Variants in NCKAP5 observed in about 807,000 individuals in gnomAD.
NCKAP5 encodes the protein nck-associated protein 5.
In NCKAP5, 92 loss-of-function variants were observed where a neutral mutation model predicts 167.0. The ratio of observed to expected loss-of-function variants is 0.55; its 90% CI spans 0.47 to 0.66. The LOEUF is 0.66. Among genes scored for constraint, NCKAP5 ranks in the 30% least tolerant of loss-of-function variants. The pLI is 0.00. For synonymous variants in NCKAP5, 891 were observed against 877.4 expected (o/e 1.02, Z -0.27); for missense variants, 2,378 against 2,315.0 (o/e 1.03, Z -0.56).
chr2:132,969,519 G>A (rs185446090), intron 7 of NCKAP5, among the ~76,000 whole-genome samples: 1 of 152,342 alleles, frequency 6.6e-6, no homozygotes, highest in East Asian at 1.9e-4. Context: ...TGACCCCAGG[G>A]TGAGAGAGCT....
intron 6 of NCKAP5, among the ~76,000 whole-genome samples, chr2:133,071,375 G>C (rs1183456900): frequency 1.3e-5 from 2 of 152,052 alleles, no homozygotes; most frequent in Non-Finnish European, 2.9e-5. Context: ...AACCCGGGAG[G>C]CGGAGCTTGC....
chr2:133,499,716 C>T (rs367577274), intron 3 of NCKAP5, among the ~76,000 whole-genome samples: 26 of 152,202 alleles, frequency 1.7e-4, no homozygotes, highest in African/African-American at 6.0e-4. Context: ...CCCATGACCA[C>T]GCACAGCTAA....
intron 6 of NCKAP5, among the ~76,000 whole-genome samples, chr2:133,032,689 T>C (rs1268628467): frequency 1.3e-5 from 2 of 152,170 alleles, no homozygotes; most frequent in Non-Finnish European, 2.9e-5. Context: ...TTCAGGTCTA[T>C]ATGAGTCTGT....
At chr2:132,891,701 C>T (rs571640222) in intron 8 of NCKAP5, among the ~76,000 whole-genome samples, 10 of 152,238 alleles carry the variant, frequency 6.6e-5, no homozygotes, top group Admixed American at 2.0e-4. Context: ...AAATAATAAA[C>T]GGTAATGCTT....
chr2:133,656,880 GTA>G, the NCKAP5 span, among the ~76,000 whole-genome samples: 3,856 of 152,192 alleles, frequency 0.025, 89 homozygotes, highest in Non-Finnish European at 0.038. Flanking sequence ...CACCCAAGCA[GTA>G]TACATTGCAC....
chr2:133,290,728 C>CTTTTTTTTTTTTT (rs58758295), intron 4 of NCKAP5, among the ~76,000 whole-genome samples: 105 of 89,114 alleles, frequency 1.2e-3, no homozygotes, highest in Non-Finnish European at 1.5e-3. Context: ...AGAATTTCTC[C>CTTTTTTTTTTTTT]TTTTTTTTTT....
At chr2:133,312,021 T>C (rs1351045098) in intron 3 of NCKAP5, among the ~76,000 whole-genome samples, 1 of 152,236 alleles carries the variant, frequency 6.6e-6, no homozygotes, top group African/African-American at 2.4e-5. Flanking sequence ...ATCTATGGCA[T>C]GTAAATCACA....
At chr2:132,988,474 A>AG (rs1200441487) in intron 7 of NCKAP5, among the ~76,000 whole-genome samples, 1 of 151,634 alleles carries the variant, frequency 6.6e-6, no homozygotes, top group Admixed American at 6.6e-5. Context: ...AAAAAAAAAA[A>AG]AAAAAAAAAG....
intron 19 of NCKAP5, among the ~76,000 whole-genome samples, chr2:132,715,751 A>C (rs987036947): frequency 2.0e-5 from 3 of 152,208 alleles, no homozygotes; most frequent in Non-Finnish European, 4.4e-5. Context: ...AAAGTCCCAG[A>C]CAGGAGCATG....
At chr2:133,097,046 C>T (rs1480844229) in intron 6 of NCKAP5, among the ~76,000 whole-genome samples, 1 of 152,158 alleles carries the variant, frequency 6.6e-6, no homozygotes, top group Admixed American at 6.5e-5. Flanking sequence ...GACCACATTG[C>T]CCACGACATT....
At chr2:133,393,709 A>C (rs895955682) in intron 3 of NCKAP5, among the ~76,000 whole-genome samples, 3 of 152,236 alleles carry the variant, frequency 2.0e-5, no homozygotes, top group Admixed American at 6.5e-5. Flanking sequence ...ACAAATAAAA[A>C]TGAATAAACA....
intron 6 of NCKAP5, among the ~76,000 whole-genome samples, chr2:133,024,648 C>T (rs975612374): frequency 1.5e-4 from 23 of 152,176 alleles, no homozygotes; most frequent in Admixed American, 1.2e-3. Flanking sequence ...AAGTAATTAA[C>T]ATGATTTACT....
intron 6 of NCKAP5, among the ~76,000 whole-genome samples, chr2:133,052,000 A>G (rs1203086388): frequency 2.0e-5 from 3 of 152,228 alleles, no homozygotes; most frequent in Non-Finnish European, 2.9e-5. Context: ...ACCAAGAATC[A>G]TACTAAAACT....
At chr2:133,522,628 A>G (rs1017852925) in intron 2 of NCKAP5, among the ~76,000 whole-genome samples, 12 of 152,234 alleles carry the variant, frequency 7.9e-5, no homozygotes, top group African/African-American at 2.9e-4. Context: ...ATGAATGTTC[A>G]CAGCTGTCTT....
chr2:133,156,650 C>T (rs996613330), intron 5 of NCKAP5, among the ~76,000 whole-genome samples: 6 of 152,116 alleles, frequency 3.9e-5, no homozygotes, highest in South Asian at 2.1e-4. Flanking sequence ...TATTCCTTCC[C>T]GTTTCCACAA....
chr2:133,467,437 T>A (rs543595325), intron 3 of NCKAP5, among the ~76,000 whole-genome samples: 9 of 152,200 alleles, frequency 5.9e-5, no homozygotes, highest in Non-Finnish European at 1.0e-4. Context: ...GATTTTTGCA[T>A]CAATGTTCAT....
intron 3 of NCKAP5, among the ~76,000 whole-genome samples, chr2:133,432,347 C>G (rs1472411995): frequency 6.6e-6 from 1 of 152,164 alleles, no homozygotes. Flanking sequence ...ATACCCTAAA[C>G]ATTTATTTAA....
At chr2:132,785,845 A>G (rs1455449778) in intron 13 of NCKAP5, 127 bp from the exon 14 acceptor site, 2 of 638,386 alleles carry the variant, frequency 3.1e-6, no homozygotes, top group Non-Finnish European at 4.6e-6. Context: ...AAATGCCTAC[A>G]TTAATTAGCT....
chr2:133,092,825 A>G (rs73960011), intron 6 of NCKAP5, among the ~76,000 whole-genome samples: 3,101 of 152,256 alleles, frequency 0.02, 92 homozygotes, highest in African/African-American at 0.07. Context: ...CATTCCTTTC[A>G]ATCAGTTCCA....
Sources: gnomAD v4.1 joint callset for allele counts (sites outside exome capture counted in the v4.1 genomes callset) on GRCh38, gnomAD v4.1.1 for gene constraint, MANE v1.5 for transcripts, NCBI Gene and HGNC (gene_info 2026-07-23, HGNC 2026-07-21) for gene names.